KCNN3: variants seen among roughly 807,000 people sequenced by gnomAD.
KCNN3 encodes the protein potassium calcium-activated channel subfamily N member 3.
A neutral mutation model predicts 62.9 loss-of-function variants in KCNN3; 16 were observed. The observed-to-expected ratio is 0.25, with a 90% CI of 0.17 to 0.39. KCNN3 has a LOEUF of 0.39. Ranked by LOEUF, KCNN3 falls within the 10% of genes least tolerant of loss-of-function variation. The pLI, the probability that KCNN3 is intolerant of heterozygous loss-of-function variation, is 1.00. For missense variants in KCNN3, 599 were observed against 949.4 expected, an observed-to-expected ratio of 0.63 and a Z score of 4.85; for synonymous variants, 370 against 389.2, an observed-to-expected ratio of 0.95 and a Z score of 0.58.
At chr1:154,750,209 C>A (rs1647301779) in intron 3 of KCNN3, among the ~76,000 whole-genome samples, 1 of 152,222 alleles carries the variant, frequency 6.6e-6, no homozygotes, top group Non-Finnish European at 1.5e-5. Context: ...GCCTTTCTTG[C>A]TGGAGAAGCT....
At position 154,809,255 on chromosome 1, in the gene KCNN3, C is replaced by T. The variant is rs147352222; in HGVS notation, c.1029+12834G>A. Among the ~76,000 whole-genome samples the T allele has an allele frequency of 1.3e-3, 200 of 152,348 alleles. No homozygotes were observed. The highest frequency in any genetic ancestry group is 2.3e-3 in the Non-Finnish European group (156 of 68,038). ...AGCCAAGCCCCAGCACCAGCAGCCA[C>T]GCTTTCATTTCACAGACTGTGAGTA... On this transcript the variant is annotated intron_variant, in intron 2 of 7. Transcript: ENST00000271915. The surrounding 1 kb of genome is among the most constrained non-coding windows in gnomAD (Gnocchi z 4.3).
At chr1:154,819,008 AAGCTGTG>A (rs1650782976) in intron 2 of KCNN3, among the ~76,000 whole-genome samples, 1 of 152,190 alleles carries the variant, frequency 6.6e-6, no homozygotes, top group South Asian at 2.1e-4. Flanking sequence ...TGGATGAGGA[AAGCTGTG>A]AGCAGATTCC....
Position 154,707,065 on chromosome 1 carries a change from A to G in KCNN3, c.*911T>C, listed in dbSNP as rs1699977550. The G allele has an allele frequency of 6.6e-6, 1 of 152,188 alleles. No homozygotes were observed. The highest frequency in any genetic ancestry group is 2.1e-4 in the South Asian group (1 of 4,828). The allele number at this position is 152,188 out of a possible 1,614,324, so 9.4% of individuals were successfully genotyped here. On this transcript the variant is annotated 3_prime_UTR_variant, in exon 8 of 8. Coordinates refer to ENST00000271915, the MANE Select transcript of KCNN3 (RefSeq NM_002249.6). ...TGCTTATCCCTCCTGAATGCCAACA[A>G]TTTTGGCTTGGCATCCATTTCAAAT...
At chr1:154,852,058 G>A (rs879268618) in intron 1 of KCNN3, among the ~76,000 whole-genome samples, 8 of 152,196 alleles carry the variant, frequency 5.3e-5, no homozygotes, top group South Asian at 2.1e-4. Context: ...GTGAGGACAC[G>A]AGCCACGTGT....
intron 2 of KCNN3, among the ~76,000 whole-genome samples, chr1:154,800,918 G>T (rs562163942): frequency 6.6e-6 from 1 of 152,174 alleles, no homozygotes; most frequent in South Asian, 2.1e-4. Context: ...GATTGTGCGC[G>T]CCTGTAGTCC....
chr1:154,712,598 C>A (rs1470998232), intron 7 of KCNN3, among the ~76,000 whole-genome samples: 1 of 152,194 alleles, frequency 6.6e-6, no homozygotes, highest in African/African-American at 2.4e-5. Context: ...TCTTGCTTAC[C>A]CAGGGAATGT....
chr1:154,852,943 A>G (rs1350733054), intron 1 of KCNN3, among the ~76,000 whole-genome samples: 1 of 152,084 alleles, frequency 6.6e-6, no homozygotes, highest in South Asian at 2.1e-4. Context: ...TCCAATAGAC[A>G]TCACCTTTTT....
chr1:154,776,483 G>A (rs1648796611), intron 2 of KCNN3, among the ~76,000 whole-genome samples: 1 of 152,170 alleles, frequency 6.6e-6, no homozygotes, highest in Non-Finnish European at 1.5e-5. Context: ...GCTTCTGCTA[G>A]ACAGGGCTCC....
chr1:154,821,966 C>G, intron 2 of KCNN3, 123 bp downstream of exon 2: 1 of 749,862 alleles, frequency 1.3e-6, no homozygotes, highest in Middle Eastern at 3.5e-4. Flanking sequence ...ATCTTGGGCA[C>G]CGTCTTGTAA....
At chr1:154,865,730 C>T (rs1417783981) in intron 1 of KCNN3, among the ~76,000 whole-genome samples, 1 of 152,154 alleles carries the variant, frequency 6.6e-6, no homozygotes, top group African/African-American at 2.4e-5. Context: ...CAGCAGCCAC[C>T]CGCCAAACAT....
chr1:154,782,052 C>T (rs1295537982), intron 2 of KCNN3, among the ~76,000 whole-genome samples: 1 of 152,038 alleles, frequency 6.6e-6, no homozygotes, highest in African/African-American at 2.4e-5. Context: ...TGCAAAAACC[C>T]CAAGGCAGGA....
intron 3 of KCNN3, among the ~76,000 whole-genome samples, chr1:154,742,383 T>C: frequency 6.6e-6 from 1 of 152,170 alleles, no homozygotes; most frequent in East Asian, 1.9e-4. Context: ...CCAGAACACC[T>C]ATGTTTGAAT....
intron 5 of KCNN3, among the ~76,000 whole-genome samples, chr1:154,722,242 T>A (rs181433123): frequency 5.0e-4 from 76 of 152,286 alleles, no homozygotes; most frequent in African/African-American, 1.8e-3. Flanking sequence ...CAAGGTTGCA[T>A]ATACCGGTAA....
At chr1:154,815,584 T>C (rs1650630252) in intron 2 of KCNN3, among the ~76,000 whole-genome samples, 1 of 152,236 alleles carries the variant, frequency 6.6e-6, no homozygotes, top group African/African-American at 2.4e-5. Flanking sequence ...GTCTGCTTTA[T>C]TTCTGGATTC....
intron 3 of KCNN3, among the ~76,000 whole-genome samples, chr1:154,760,446 A>T (rs1647946091): frequency 6.6e-6 from 1 of 151,524 alleles, no homozygotes; most frequent in Non-Finnish European, 1.5e-5. Flanking sequence ...CACTCGAGAC[A>T]GGAGCCAGGA....
rs902315144 is a variant in KCNN3 at position 154,809,907 on chromosome 1, G to T, written c.1029+12182C>A. On this transcript the variant is annotated intron_variant, in intron 2 of 7. Coordinates refer to ENST00000271915, the MANE Select transcript of KCNN3 (RefSeq NM_002249.6). This position sits in a 1 kb window ranked among gnomAD's most constrained non-coding sequence, Gnocchi z 4.3. ...TAAAAGTCACTGGCTGTCTTTGGCT[G>T]CAGTAACAAAGTGAGAAAGCAGGTC... 2.0e-5 allele frequency among the ~76,000 whole-genome samples: 3 copies of T among 152,172 alleles called. No homozygotes were observed. The highest frequency in any genetic ancestry group is 1.3e-4 in the Admixed American group (2 of 15,274).
At chr1:154,822,003 T>A (rs1571310020) in intron 2 of KCNN3, 86 bp downstream of exon 2, 13 of 938,474 alleles carry the variant, frequency 1.4e-5, no homozygotes, top group Non-Finnish European at 2.2e-5. Context: ...GCTAAGGGAG[T>A]GGGTTTTGGG....
At chr1:154,826,159 T>G (rs147716495) in intron 1 of KCNN3, among the ~76,000 whole-genome samples, 1 of 152,072 alleles carries the variant, frequency 6.6e-6, no homozygotes, top group East Asian at 1.9e-4. Context: ...GACTATTAAG[T>G]GATAAACTCA....
chr1:154,725,872 G>A, intron 5 of KCNN3, 44 bp downstream of exon 5: 2 of 1,454,512 alleles, frequency 1.4e-6, no homozygotes, highest in Non-Finnish European at 1.9e-6. Flanking sequence ...GGCTTCCACT[G>A]TGGCCTTAAG....
Sources: allele counts gnomAD v4.1 joint callset (sites outside exome capture counted in the v4.1 genomes callset), GRCh38; gene constraint gnomAD v4.1.1; non-coding constraint Gnocchi (gnomAD v3.1); transcripts MANE v1.5; gene names NCBI Gene and HGNC (gene_info 2026-07-23, HGNC 2026-07-21).